SYT16: variants seen among roughly 807,000 people sequenced by gnomAD.
The protein encoded by SYT16 is synaptotagmin 16.
In SYT16, 42 loss-of-function variants were observed where a neutral mutation model predicts 61.4. The ratio of observed to expected loss-of-function variants is 0.68; its 90% confidence interval spans 0.53 to 0.89. The LOEUF (loss-of-function observed/expected upper bound fraction) is 0.89, where lower values mean the gene tolerates loss of function less well. SYT16 is among the 40% of genes least tolerant of loss of function. The pLI, the probability that SYT16 is intolerant of heterozygous loss-of-function variation, is 0.00. For missense variants in SYT16, 804 were observed against 807.3 expected (o/e 1.00, Z 0.05); for synonymous variants, 314 against 302.3 (o/e 1.04, Z -0.40).
At chr14:61,827,472 A>G (rs2045807964) in intron 1 of SYT16, among the ~76,000 whole-genome samples, 1 of 152,056 alleles carries the variant, frequency 6.6e-6, no homozygotes, top group Non-Finnish European at 1.5e-5. Flanking sequence ...GTTGGTTTTT[A>G]CCTTAAAAAA....
intron 1 of SYT16, among the ~76,000 whole-genome samples, chr14:61,813,809 T>A (rs1466440941): frequency 7.2e-6 from 1 of 138,440 alleles, no homozygotes; most frequent in South Asian, 2.1e-4. Context: ...AAGGTATTTT[T>A]TTTTTTTTTT....
chr14:62,055,717 A>G (rs1208490662), intron 3 of SYT16, among the ~76,000 whole-genome samples: 4 of 152,212 alleles, frequency 2.6e-5, no homozygotes, highest in Non-Finnish European at 5.9e-5. Flanking sequence ...CTTGGGGCTG[A>G]TATAGGTGTA....
chr14:61,859,543 A>G (rs2046902200), intron 1 of SYT16, among the ~76,000 whole-genome samples: 1 of 151,842 alleles, frequency 6.6e-6, no homozygotes, highest in Non-Finnish European at 1.5e-5. Flanking sequence ...CTCGACAGAG[A>G]GAGCTGTTTC....
At chr14:61,924,145 A>G (rs951794224) in intron 1 of SYT16, among the ~76,000 whole-genome samples, 3 of 152,182 alleles carry the variant, frequency 2.0e-5, no homozygotes. Context: ...ACTGTTTTTG[A>G]TGAACTTGGT....
At chr14:61,995,181 T>C (rs533732202) in intron 2 of SYT16, among the ~76,000 whole-genome samples, 58 of 152,124 alleles carry the variant, frequency 3.8e-4, no homozygotes, top group Non-Finnish European at 6.2e-4. Flanking sequence ...GCTGCTTCCT[T>C]CAGGCTGTAA....
intron 1 of SYT16, among the ~76,000 whole-genome samples, chr14:61,961,808 C>T (rs116785813): frequency 1.9e-3 from 284 of 152,218 alleles, no homozygotes; most frequent in African/African-American, 6.4e-3. Flanking sequence ...CATAAAGATA[C>T]GTGCATGCAT....
At position 61,889,372 on chromosome 14, in the gene SYT16, A is replaced by G. The variant is rs571089537; in HGVS notation, c.-325+76562A>G. The stretch of plus-strand genomic sequence containing the variant: ...ACATTTTCCCTAAACTGACTGCTAT[A>G]GTTTAGGTGTTTGTCCCCCTAAACC... On this transcript the variant is annotated intron_variant, in intron 1 of 7. Transcript: ENST00000683842. Among the ~76,000 whole-genome samples, 7 of 152,304 alleles carry G rather than the reference A, an allele frequency of 4.6e-5. No homozygotes were observed. In the East Asian group the frequency reaches 1.4e-3, roughly 29 times the overall value.
upstream of SYT16, chr14:61,812,240 C>T (rs1253936090): frequency 2.0e-5 from 3 of 152,426 alleles, no homozygotes; most frequent in Non-Finnish European, 4.4e-5. Context: ...ATGCCCAGCA[C>T]CTGGCTCATC....
intron 3 of SYT16, among the ~76,000 whole-genome samples, chr14:62,069,344 A>G (rs532739385): frequency 6.6e-6 from 1 of 152,352 alleles, no homozygotes; most frequent in Admixed American, 6.5e-5. Flanking sequence ...AGGGTTCATT[A>G]TGATGATTAT....
chr14:62,069,871 C>T lies in SYT16; in HGVS notation c.736+56C>T, dbSNP rs1348769250. The T allele has an allele frequency of 1.2e-5, 18 of 1,559,706 alleles. No homozygotes were observed. In the Admixed American group the frequency reaches 3.1e-4, roughly 26 times the overall value. On this transcript the variant is annotated intron_variant, in intron 4 of 7. Transcript: ENST00000683842. ...CCAGGGATGGCCAATGGTAAGAGTG[C>T]ATCCGAATTATTCACCCTCTGCACT...
chr14:61,900,944 A>G (rs1011228136), intron 1 of SYT16, among the ~76,000 whole-genome samples: 1 of 152,238 alleles, frequency 6.6e-6, no homozygotes, highest in African/African-American at 2.4e-5. Flanking sequence ...AGGTGGCCAC[A>G]TACACCCCTT....
At chr14:61,940,343 A>T (rs1053773719) in intron 1 of SYT16, among the ~76,000 whole-genome samples, 1 of 151,956 alleles carries the variant, frequency 6.6e-6, no homozygotes, top group Non-Finnish European at 1.5e-5. Flanking sequence ...TTGAGACTAA[A>T]TGGCTCTCCT....
At chr14:61,972,932 T>G (rs1363015824) in intron 2 of SYT16, among the ~76,000 whole-genome samples, 1 of 152,190 alleles carries the variant, frequency 6.6e-6, no homozygotes, top group Non-Finnish European at 1.5e-5. Flanking sequence ...TTCTTAGGGT[T>G]ACCATAGCAA....
rs148060628 is a variant in SYT16 at position 61,939,049 on chromosome 14, T to C, written c.-324-31083T>C. 9.2e-4 allele frequency among the ~76,000 whole-genome samples: 140 copies of C among 152,238 alleles called. 1 individual carries two copies. The highest frequency in any genetic ancestry group is 1.8e-3 in the Non-Finnish European group (119 of 68,000). ...ACTTGGGAGGCTGAGGCAGGAGAAT[T>C]GCTTGAACCCAGTAGGCAGAGGTTG... is the stretch of plus-strand genomic sequence containing the variant. On this transcript the variant is annotated intron_variant, in intron 1 of 7. Transcript: ENST00000683842.
chr14:61,926,778 G>T (rs2049556395), intron 1 of SYT16, among the ~76,000 whole-genome samples: 2 of 152,024 alleles, frequency 1.3e-5, no homozygotes, highest in South Asian at 4.1e-4. Flanking sequence ...CGTTTGTGTG[G>T]CCCCTCCCCC....
At chr14:61,962,640 A>G (rs2051160968) in intron 1 of SYT16, among the ~76,000 whole-genome samples, 1 of 151,944 alleles carries the variant, frequency 6.6e-6, no homozygotes, top group African/African-American at 2.4e-5. Flanking sequence ...CATAATGCAT[A>G]TATTTGTTCA....
At chr14:61,846,253 G>C (rs1469794997) in intron 1 of SYT16, among the ~76,000 whole-genome samples, 1 of 152,126 alleles carries the variant, frequency 6.6e-6, no homozygotes, top group Admixed American at 6.5e-5. Context: ...GGGTGTTGAA[G>C]TAGAGCACTC....
intron 3 of SYT16, among the ~76,000 whole-genome samples, chr14:62,064,021 C>T (rs891379565): frequency 4.6e-5 from 7 of 152,022 alleles, no homozygotes; most frequent in African/African-American, 9.7e-5. Flanking sequence ...TCCACATTTA[C>T]GATAATTGTG....
intron 1 of SYT16, among the ~76,000 whole-genome samples, chr14:61,904,874 C>A (rs1330407441): frequency 6.6e-6 from 1 of 152,198 alleles, no homozygotes. Flanking sequence ...CTTGAACCTG[C>A]AGGACCTCTG....
Sources: gnomAD v4.1 joint callset for allele counts (sites outside exome capture counted in the v4.1 genomes callset) on GRCh38, gnomAD v4.1.1 for gene constraint, MANE v1.5 for transcripts, NCBI Gene and HGNC (gene_info 2026-07-23, HGNC 2026-07-21) for gene names.